The following SHPRH variants were observed in gnomAD, a reference collection of about 807,000 sequenced individuals.
The protein encoded by SHPRH is E3 ubiquitin-protein ligase SHPRH.
SHPRH carries 106 observed loss-of-function variants against 202.5 expected under a neutral mutation model. The observed-to-expected ratio is 0.52, with a 90% CI of 0.45 to 0.62. The LOEUF (loss-of-function observed/expected upper bound fraction) is 0.62, where lower values mean the gene tolerates loss of function less well. Among genes scored for constraint, SHPRH ranks in the 20% least tolerant of loss-of-function variants. The pLI, the probability that SHPRH is intolerant of heterozygous loss-of-function variation, is 0.00. For synonymous variants in SHPRH, 729 were observed against 686.0 expected, an observed-to-expected ratio of 1.06 and a Z score of -0.98; for missense variants, 1,710 against 2,020.0, an observed-to-expected ratio of 0.85 and a Z score of 2.94.
chr6:145,956,509 C>T (rs1788528161), intron 1 of SHPRH, among the ~76,000 whole-genome samples: 1 of 151,886 alleles, frequency 6.6e-6, no homozygotes, highest in Non-Finnish European at 1.5e-5. Context: ...CAACAAAAGC[C>T]AAAAGGACTT....
At chr6:145,929,882 A>G (rs543810993) in intron 14 of SHPRH, among the ~76,000 whole-genome samples, 17 of 152,230 alleles carry the variant, frequency 1.1e-4, no homozygotes, top group Admixed American at 6.5e-4. Flanking sequence ...TAACCTTCAT[A>G]TTACCATAAC....
intron 5 of SHPRH, 75 bp from the exon 6 acceptor site, chr6:145,947,718 A>G: frequency 1.3e-6 from 2 of 1,537,916 alleles, no homozygotes; most frequent in South Asian, 1.2e-5. Flanking sequence ...TACTTTTCCT[A>G]AAGAGAACTG....
At chr6:145,879,283 C>T (rs1022797745) in intron 2 of SHPRH, among the ~76,000 whole-genome samples, 7 of 151,990 alleles carry the variant, frequency 4.6e-5, no homozygotes, top group African/African-American at 7.2e-5. Context: ...GAAATAGTTG[C>T]TTTTTCTCTG....
intron 8 of SHPRH, among the ~76,000 whole-genome samples, chr6:145,944,959 G>A (rs1787207857): frequency 1.3e-5 from 2 of 152,116 alleles, no homozygotes; most frequent in African/African-American, 4.8e-5. Context: ...TACTTGGGAA[G>A]CTAAGGCAAG....
At chr6:145,953,109 T>C (rs769168522) in intron 2 of SHPRH, among the ~76,000 whole-genome samples, 13 of 152,032 alleles carry the variant, frequency 8.6e-5, no homozygotes, top group African/African-American at 1.2e-4. Context: ...TCTTAAATAA[T>C]ATAACTATAA....
Position 145,935,317 on chromosome 6 carries a change from C to CT in SHPRH, c.2693dup (p.Ile899AspfsTer12). ...CTTTCTTTGCAGACCTCCACAGTAT[C>CT]TTGGCAATAAAGCTGTAGAGATGCT... On this transcript the variant is annotated frameshift_variant, in exon 12 of 30. Transcript: ENST00000275233. LOFTEE classifies it high-confidence loss of function. 1 of 1,613,988 alleles carries CT rather than the reference C, an allele frequency of 6.2e-7. No homozygotes were observed. Among genetic ancestry groups the CT allele is most frequent in the Non-Finnish European group, 8.5e-7 (1 of 1,179,986 alleles).
chr6:145,894,164 C>G lies in SHPRH; in HGVS notation c.4681G>C (p.Val1561Leu). The G allele has an allele frequency of 1.2e-6, 2 of 1,603,258 alleles. No individual in the cohort carries two copies. The highest frequency in any genetic ancestry group is 8.5e-7 in the Non-Finnish European group (1 of 1,176,074). ...NNMEFAQISR[V>L]KTFQENLSAF... ...TCTTAACATACCTGAAATGTCTTAA[C>G]ACGACTGATTTGTGCAAATTCCATG... Residue 1561 changes from valine (V) to leucine (L), a missense_variant, in exon 27 of 30, where the codon GTT becomes CTT. Val to Leu is a conservative substitution (Grantham distance 32). Transcript: ENST00000275233.
chr6:145,941,948 C>T (rs1022036339), intron 9 of SHPRH, 74 bp from the exon 10 acceptor site: 9 of 1,539,836 alleles, frequency 5.8e-6, no homozygotes, highest in African/African-American at 5.5e-5. Context: ...CTCATTTATA[C>T]CCTTACTAAG....
chr6:145,918,472 T>C (rs1002094468), intron 22 of SHPRH: 5 of 269,594 alleles, frequency 1.9e-5, no homozygotes, highest in African/African-American at 2.2e-5. Flanking sequence ...AGTGTCCCTA[T>C]GTACCTGAAG....
At chr6:145,915,031 C>T (rs1783825438) in intron 23 of SHPRH, among the ~76,000 whole-genome samples, 1 of 149,934 alleles carries the variant, frequency 6.7e-6, no homozygotes, top group South Asian at 2.1e-4. Context: ...CTGAAGGAAT[C>T]TTAAAATAGA....
At chr6:145,878,804 C>T (rs951944387) in intron 2 of SHPRH, among the ~76,000 whole-genome samples, 9 of 152,100 alleles carry the variant, frequency 5.9e-5, no homozygotes, top group East Asian at 5.8e-4. Context: ...TTTGTGGTTT[C>T]GGAGCAGAGC....
chr6:145,878,216 C>T (rs1466753722), intron 2 of SHPRH, among the ~76,000 whole-genome samples: 3 of 152,082 alleles, frequency 2.0e-5, no homozygotes, highest in African/African-American at 7.2e-5. Flanking sequence ...TCTCATATAC[C>T]CCTGCCTCCC....
At chr6:145,895,830 TA>T (rs1360393937) in intron 25 of SHPRH, among the ~76,000 whole-genome samples, 3 of 152,026 alleles carry the variant, frequency 2.0e-5, no homozygotes, top group Non-Finnish European at 2.9e-5. Flanking sequence ...GAATGATAAT[TA>T]TATCTCTTTC....
intron 18 of SHPRH, 141 bp from the exon 19 acceptor site, chr6:145,922,977 G>C: frequency 9.6e-7 from 1 of 1,042,678 alleles, no homozygotes; most frequent in Non-Finnish European, 1.3e-6. Flanking sequence ...ACATTTGAGT[G>C]AGTTTTCCTT....
chr6:145,946,112 A>G (rs1787343748), intron 7 of SHPRH, 121 bp downstream of exon 7: 1 of 645,490 alleles, frequency 1.5e-6, no homozygotes. Flanking sequence ...TCATTTATCA[A>G]AAGCATATAT....
At chr6:145,929,185 C>T (rs956903193) in intron 14 of SHPRH, among the ~76,000 whole-genome samples, 1 of 151,712 alleles carries the variant, frequency 6.6e-6, no homozygotes, top group African/African-American at 2.4e-5. Context: ...AACCCATATT[C>T]AATGTTATAA....
intron 8 of SHPRH, 52 bp downstream of exon 8, chr6:145,945,329 T>A: frequency 6.5e-7 from 1 of 1,541,728 alleles, no homozygotes; most frequent in Non-Finnish European, 8.7e-7. Context: ...ATGTACTCAG[T>A]AAGGTATCAC....
chr6:145,941,927 T>C, intron 9 of SHPRH, 53 bp from the exon 10 acceptor site: 1 of 1,588,400 alleles, frequency 6.3e-7, no homozygotes, highest in South Asian at 1.2e-5. Flanking sequence ...CTAAAGGCAA[T>C]GAAATATTCA....
Position 145,955,145 on chromosome 6 carries a change from T to G in SHPRH, c.178A>C (p.Ser60Arg). The G allele has an allele frequency of 6.2e-7, 1 of 1,613,862 alleles. No individual in the cohort carries two copies. The highest frequency in any genetic ancestry group is 8.5e-7 in the Non-Finnish European group (1 of 1,179,944). The change falls in exon 2 of 30, where the codon AGT becomes CGT. Residue 60 changes from serine (S) to arginine (R), a missense_variant. Physicochemically the swap from Ser to Arg is moderately radical, Grantham distance 110 (BLOSUM62 -1). Transcript: ENST00000275233. ...SSAHYIILSD[S>R]LKEEVAHRDK... is the part of the protein sequence containing the mutation. ...CTGTGAGCCACTTCTTCCTTTAGAC[T>G]ATCACTTAGAATGATATAATGAGCA...
Sources: allele counts gnomAD v4.1 joint callset (sites outside exome capture counted in the v4.1 genomes callset), GRCh38; gene constraint gnomAD v4.1.1; transcripts MANE v1.5; gene names NCBI Gene and HGNC (gene_info 2026-07-23, HGNC 2026-07-21).